SDK1: variants seen among roughly 807,000 people sequenced by gnomAD.
SDK1 encodes sidekick cell adhesion molecule 1, also known as protein sidekick-1.
Under a neutral mutation model 245.5 loss-of-function variants are expected in SDK1, and 157 were observed. That is an observed-to-expected ratio of 0.64 (90% CI 0.56 to 0.73). The LOEUF is 0.73. Among genes scored for constraint, SDK1 ranks in the 30% least tolerant of loss-of-function variants. The pLI is 0.00. For missense variants in SDK1, 3,583 were observed against 3,002.3 expected, an observed-to-expected ratio of 1.19 and a Z score of -4.52; for synonymous variants, 1,647 against 1,278.5, an observed-to-expected ratio of 1.29 and a Z score of -6.15.
At chr7:3,437,034 G>T (rs575026752) in intron 1 of SDK1, among the ~76,000 whole-genome samples, 2 of 152,114 alleles carry the variant, frequency 1.3e-5, no homozygotes, top group Non-Finnish European at 2.9e-5. Flanking sequence ...TCCTCTATCA[G>T]TCCAGGAGAG....
intron 1 of SDK1, among the ~76,000 whole-genome samples, chr7:3,570,263 C>T (rs2128629245): frequency 6.6e-6 from 1 of 152,300 alleles, no homozygotes; most frequent in South Asian, 2.1e-4. Flanking sequence ...CTGTTCAGAT[C>T]ATCAGGCATT....
intron 1 of SDK1, among the ~76,000 whole-genome samples, chr7:3,411,891 G>A (rs1363678927): frequency 6.6e-6 from 1 of 152,034 alleles, no homozygotes; most frequent in Non-Finnish European, 1.5e-5. Flanking sequence ...TCTGAAGAAG[G>A]GTATATTGCA....
intron 5 of SDK1, among the ~76,000 whole-genome samples, chr7:3,844,268 G>A (rs1780224861): frequency 6.6e-6 from 1 of 152,152 alleles, no homozygotes; most frequent in Non-Finnish European, 1.5e-5. Flanking sequence ...CACCGCCCCT[G>A]GCCCAGTTTA....
rs373763305 is a variant in SDK1 at position 3,648,250 on chromosome 7, T to C, written c.713+6145T>C. 1.6e-3 allele frequency among the ~76,000 whole-genome samples: 244 copies of C among 152,358 alleles called. 2 individuals are homozygous for C. The highest frequency in any genetic ancestry group is 2.4e-3 in the Non-Finnish European group (163 of 68,026). ...TACTTCTCTTTCCTCCACGACGTTA[T>C]TTATGTTGGTAGTTATCAGATTAGA... On this transcript the variant is annotated intron_variant, in intron 4 of 44. Coordinates refer to ENST00000404826, the MANE Select transcript of SDK1 (RefSeq NM_152744.4).
At chr7:3,411,618 G>A (rs188750553) in intron 1 of SDK1, among the ~76,000 whole-genome samples, 1,924 of 152,112 alleles carry the variant, frequency 0.013, 20 homozygotes, top group Middle Eastern at 0.037. Context: ...AATGCAATAC[G>A]GGCACTGACA....
intron 4 of SDK1, among the ~76,000 whole-genome samples, chr7:3,808,911 G>T (rs117018751): frequency 0.031 from 4,768 of 152,236 alleles, 118 homozygotes; most frequent in Middle Eastern, 0.051. Context: ...CATTGTTGAT[G>T]GTGTTTGTGC....
chr7:3,884,834 C>G (rs1781298961), intron 5 of SDK1, among the ~76,000 whole-genome samples: 1 of 152,232 alleles, frequency 6.6e-6, no homozygotes, highest in East Asian at 1.9e-4. Context: ...TGAGTCATTA[C>G]TGAATTACAG....
At chr7:3,559,627 C>G (rs1779688303) in intron 1 of SDK1, among the ~76,000 whole-genome samples, 1 of 151,940 alleles carries the variant, frequency 6.6e-6, no homozygotes, top group Non-Finnish European at 1.5e-5. Flanking sequence ...GCCTGCAGCC[C>G]TGTTTTAACA....
At position 4,010,970 on chromosome 7, in the gene SDK1, T is replaced by C. The variant is rs781188814; in HGVS notation, c.2136T>C (p.Ser712=). 2 of 1,614,204 alleles carry C rather than the reference T, an allele frequency of 1.2e-6. No individual in the cohort carries two copies. Among genetic ancestry groups the C allele is most frequent in the Admixed American group, 1.7e-5 (1 of 60,026 alleles). ...YYIVELSENN[S]PWKVHLSNVG... is the part of the protein sequence containing the mutation. ...TCGTTTTCTTCATTCTTTCAGACTCTCCATGGAAGGTGCATCTGTCAAACG... is the reference window on the plus strand; with the variant it reads ...TCGTTTTCTTCATTCTTTCAGACTCCCCATGGAAGGTGCATCTGTCAAACG... Residue 712 remains serine, a synonymous_variant, in exon 15 of 45, where the codon TCT becomes TCC. Coordinates refer to ENST00000404826, the MANE Select transcript of SDK1 (RefSeq NM_152744.4).
chr7:3,648,317 A>G (rs1446130587), intron 4 of SDK1, among the ~76,000 whole-genome samples: 1 of 152,214 alleles, frequency 6.6e-6, no homozygotes, highest in Admixed American at 6.5e-5. Context: ...CTTGTGCTTA[A>G]TTGCAGGTTC....
At chr7:4,228,177 C>T (rs1014519047) in intron 40 of SDK1, among the ~76,000 whole-genome samples, 1 of 152,166 alleles carries the variant, frequency 6.6e-6, no homozygotes, top group Non-Finnish European at 1.5e-5. Flanking sequence ...GTGGTGACAG[C>T]GTGGCTTCTT....
chr7:3,510,105 C>T (rs559597779), intron 1 of SDK1, among the ~76,000 whole-genome samples: 3 of 152,268 alleles, frequency 2.0e-5, no homozygotes, highest in East Asian at 3.9e-4. Flanking sequence ...GTTTCCTAAG[C>T]GTCGACCTTA....
At chr7:3,679,604 C>T (rs1161618355) in intron 4 of SDK1, among the ~76,000 whole-genome samples, 1 of 152,106 alleles carries the variant, frequency 6.6e-6, no homozygotes, top group Admixed American at 6.5e-5. Flanking sequence ...GATTAATAGA[C>T]ATTTCATGGA....
intron 17 of SDK1, among the ~76,000 whole-genome samples, chr7:4,027,412 G>C (rs966566367): frequency 3.3e-5 from 5 of 152,134 alleles, no homozygotes; most frequent in African/African-American, 9.7e-5. Context: ...GTGTAGGTGG[G>C]GTTTGCACAG....
rs146912554 is a variant in SDK1, at chr7:3,576,872, C to T, written c.299-42208C>T. ...AAAGCAGAAGTTGGTTACTATTTGCCGGGACTGCTTAAACCTGCCCTTTAG... is the reference window on the plus strand; with the variant it reads ...AAAGCAGAAGTTGGTTACTATTTGCTGGGACTGCTTAAACCTGCCCTTTAG... On this transcript the variant is annotated intron_variant, in intron 1 of 44. Transcript: ENST00000404826. Among the ~76,000 whole-genome samples the T allele has an allele frequency of 6.8e-4, 104 of 152,126 alleles. 1 individual carries two copies. Among genetic ancestry groups the T allele is most frequent in the Non-Finnish European group, 8.5e-4 (58 of 67,958 alleles).
chr7:3,512,584 C>T (rs1334938500), intron 1 of SDK1, among the ~76,000 whole-genome samples: 5 of 152,192 alleles, frequency 3.3e-5, no homozygotes, highest in Admixed American at 2.0e-4. Flanking sequence ...GCAGCAATGA[C>T]TGAGAATTCC....
chr7:3,476,960 C>A (rs1484746981), intron 1 of SDK1, among the ~76,000 whole-genome samples: 1 of 152,088 alleles, frequency 6.6e-6, no homozygotes, highest in Non-Finnish European at 1.5e-5. Flanking sequence ...ACTCTGTAGG[C>A]GTGAGGGAAG....
chr7:3,847,076 C>T (rs1268559115), intron 5 of SDK1, among the ~76,000 whole-genome samples: 1 of 151,748 alleles, frequency 6.6e-6, no homozygotes, highest in Non-Finnish European at 1.5e-5. Context: ...TTTGCTTTCC[C>T]ATTAAGCATT....
At chr7:3,531,041 C>T (rs896217255) in intron 1 of SDK1, among the ~76,000 whole-genome samples, 1 of 152,168 alleles carries the variant, frequency 6.6e-6, no homozygotes, top group African/African-American at 2.4e-5. Flanking sequence ...GTCACTATAA[C>T]TCTGCTTCAT....
Sources: allele counts gnomAD v4.1 joint callset (sites outside exome capture counted in the v4.1 genomes callset), GRCh38; gene constraint gnomAD v4.1.1; transcripts MANE v1.5; gene names NCBI Gene and HGNC (gene_info 2026-07-23, HGNC 2026-07-21).